Variants in TRIQK observed in about 807,000 individuals in gnomAD.
TRIQK encodes the protein triple QxxK/R motif-containing protein.
TRIQK carries 10 observed loss-of-function variants against 10.8 expected under a neutral mutation model. That is an observed-to-expected ratio of 0.92 (90% confidence interval 0.57 to 1.57). The LOEUF (loss-of-function observed/expected upper bound fraction) is 1.57. TRIQK is among the 40% of genes most tolerant of loss of function. TRIQK has a pLI of 0.00. For missense variants in TRIQK, 107 were observed against 97.7 expected, an observed-to-expected ratio of 1.09 and a Z score of -0.40; for synonymous variants, 33 against 33.7, an observed-to-expected ratio of 0.98 and a Z score of 0.07.
At position 92,886,498 on chromosome 8, in the gene TRIQK, T is replaced by C. The variant is rs1434196379; in HGVS notation, c.*124A>G. 1.6e-6 allele frequency: 1 copy of C among 613,096 alleles called. No individual in the cohort carries two copies. Among genetic ancestry groups the C allele is most frequent in the Non-Finnish European group, 2.8e-6 (1 of 360,366 alleles). 38.0% of individuals were successfully genotyped at this position (613,096 alleles called of 1,614,324 possible). On this transcript the variant is annotated 3_prime_UTR_variant, in exon 5 of 5. Transcript: ENST00000521988. ...TCCTATGCAACTATCAAAAATCATA[T>C]GTCTGCAAACTGAAAATATTAGCAG... is the stretch of plus-strand genomic sequence containing the variant.
chr8:92,890,274 C>T (rs1816696771), intron 4 of TRIQK, among the ~76,000 whole-genome samples: 1 of 151,674 alleles, frequency 6.6e-6, no homozygotes, highest in African/African-American at 2.4e-5. Context: ...TTAATAGGCT[C>T]TCCACATAAA....
intron 1 of TRIQK, among the ~76,000 whole-genome samples, chr8:92,982,473 T>G (rs1165270259): frequency 6.6e-6 from 1 of 152,066 alleles, no homozygotes; most frequent in Non-Finnish European, 1.5e-5. Context: ...AAGACAACAT[T>G]TCTTCAGTAA....
chr8:92,983,944 C>A (rs1813008688), intron 1 of TRIQK, among the ~76,000 whole-genome samples: 3 of 152,056 alleles, frequency 2.0e-5, no homozygotes, highest in Admixed American at 2.0e-4. Context: ...TAGTTCAGTG[C>A]TGTATTCCTA....
At chr8:92,918,296 C>T (rs1809976229) in intron 2 of TRIQK, among the ~76,000 whole-genome samples, 1 of 151,964 alleles carries the variant, frequency 6.6e-6, no homozygotes, top group Admixed American at 6.6e-5. Context: ...GAGGAACCTC[C>T]ATATTGTTTT....
chr8:92,959,626 C>G (rs547008772), intron 1 of TRIQK, among the ~76,000 whole-genome samples: 123 of 152,106 alleles, frequency 8.1e-4, no homozygotes, highest in African/African-American at 2.8e-3. Flanking sequence ...CCTTTATACA[C>G]ATGCTCCTCA....
At chr8:93,011,756 A>G (rs1264262866) in intron 1 of TRIQK, among the ~76,000 whole-genome samples, 1 of 152,180 alleles carries the variant, frequency 6.6e-6, no homozygotes, top group African/African-American at 2.4e-5. Flanking sequence ...CCATGACCAT[A>G]AAACTATGAA....
intron 2 of TRIQK, among the ~76,000 whole-genome samples, chr8:92,929,256 T>C (rs1196851647): frequency 6.6e-6 from 1 of 152,190 alleles, no homozygotes; most frequent in Admixed American, 6.5e-5. Flanking sequence ...AATATTGCGT[T>C]AGACAGATGG....
At chr8:92,921,061 T>A (rs556311033) in intron 2 of TRIQK, among the ~76,000 whole-genome samples, 1 of 151,810 alleles carries the variant, frequency 6.6e-6, no homozygotes, top group African/African-American at 2.4e-5. Context: ...GACCAATGAC[T>A]CCTGTGGCTG....
At chr8:92,935,906 G>A (rs556171710) in intron 2 of TRIQK, among the ~76,000 whole-genome samples, 106 of 151,702 alleles carry the variant, frequency 7.0e-4, no homozygotes, top group African/African-American at 2.5e-3. Context: ...ATAAAATTCA[G>A]TGGAACTATA....
chr8:92,999,332 A>G lies in TRIQK; in HGVS notation c.-181+18277T>C, dbSNP rs6471355. Among the ~76,000 whole-genome samples, 513 of 152,240 alleles carry G rather than the reference A, an allele frequency of 3.4e-3. 2 individuals are homozygous for G. Among genetic ancestry groups the G allele is most frequent in the African/African-American group, 0.012 (483 of 41,548 alleles). ...TTTTATTGAAAACCCAACTGTTTCA[A>G]TCTATTAGCTAAGGACAGACTTGGC... On this transcript the variant is annotated intron_variant, in intron 1 of 4. Transcript: ENST00000520686.
intron 1 of TRIQK, among the ~76,000 whole-genome samples, chr8:92,971,739 C>T (rs62520820): frequency 0.1 from 15,615 of 152,084 alleles, 1,906 homozygotes; most frequent in African/African-American, 0.29. Flanking sequence ...AATTTACAAA[C>T]TCAATGCTAT....
chr8:92,942,794 G>C (rs959112981), intron 2 of TRIQK, among the ~76,000 whole-genome samples: 1 of 152,032 alleles, frequency 6.6e-6, no homozygotes, highest in African/African-American at 2.4e-5. Flanking sequence ...TCAGGGGTTT[G>C]AGCAGTTCTC....
chr8:92,949,814 GAAAGAAAGAAAGAAAGAA>G (rs1811784993), intron 2 of TRIQK, among the ~76,000 whole-genome samples: 2 of 101,354 alleles, frequency 2.0e-5, no homozygotes, highest in African/African-American at 7.7e-5. Context: ...AAGAAAGAAA[GAAAGAAAGAAAGAAAGAA>G]AGAAAGAAAG....
At chr8:92,929,123 G>C (rs566463899) in intron 2 of TRIQK, among the ~76,000 whole-genome samples, 107 of 152,240 alleles carry the variant, frequency 7.0e-4, no homozygotes, top group African/African-American at 2.5e-3. Flanking sequence ...CAAAGTCCAG[G>C]CCTCACCCTT....
At chr8:92,965,711 C>G (rs1194804777) in intron 1 of TRIQK, 1 of 152,612 alleles carries the variant, frequency 6.6e-6, no homozygotes, top group Non-Finnish European at 1.5e-5. Context: ...CCTTAGCAAC[C>G]GCAATGGCCA....
intron 1 of TRIQK, among the ~76,000 whole-genome samples, chr8:92,956,414 T>C (rs937444073): frequency 9.2e-5 from 14 of 151,696 alleles, no homozygotes; most frequent in African/African-American, 2.9e-4. Context: ...ACTGACATAA[T>C]GGGTACAGAA....
chr8:92,983,986 C>A (rs1813008948), intron 1 of TRIQK, among the ~76,000 whole-genome samples: 1 of 152,052 alleles, frequency 6.6e-6, no homozygotes. Context: ...TCAAGTCACT[C>A]CGACCTCTCC....
intron 3 of TRIQK, among the ~76,000 whole-genome samples, chr8:92,912,138 G>A (rs1389571396): frequency 6.6e-6 from 1 of 151,536 alleles, no homozygotes; most frequent in African/African-American, 2.4e-5. Flanking sequence ...CTTCTCAAGT[G>A]TACACTAACA....
chr8:92,914,172 T>C (rs2130439781), intron 3 of TRIQK, among the ~76,000 whole-genome samples: 1 of 152,316 alleles, frequency 6.6e-6, no homozygotes, highest in South Asian at 2.1e-4. Flanking sequence ...AAATTAGGTA[T>C]AGAATGAATA....
Sources: gnomAD v4.1 joint callset for allele counts (sites outside exome capture counted in the v4.1 genomes callset) on GRCh38, gnomAD v4.1.1 for gene constraint, MANE v1.5 for transcripts, NCBI Gene and HGNC (gene_info 2026-07-23, HGNC 2026-07-21) for gene names.